The following RAB3C variants were observed in gnomAD, a reference collection of about 807,000 sequenced individuals.
RAB3C encodes the protein RAB3C, member RAS oncogene family.
In RAB3C, 17 loss-of-function variants were observed where a neutral mutation model predicts 26.4. The observed-to-expected ratio is 0.64, with a 90% CI of 0.44 to 0.97. The LOEUF (loss-of-function observed/expected upper bound fraction) is 0.97, where lower values mean the gene tolerates loss of function less well. Among genes scored for constraint, RAB3C ranks in the 50% least tolerant of loss-of-function variants. The pLI, the probability that RAB3C is intolerant of heterozygous loss-of-function variation, is 0.00. For synonymous variants in RAB3C, 91 were observed against 95.9 expected, an observed-to-expected ratio of 0.95 and a Z score of 0.30; for missense variants, 242 against 281.9, an observed-to-expected ratio of 0.86 and a Z score of 1.01.
intron 2 of RAB3C, among the ~76,000 whole-genome samples, chr5:58,632,824 T>C (rs1351048965): frequency 6.6e-6 from 1 of 152,220 alleles, no homozygotes; most frequent in African/African-American, 2.4e-5. Flanking sequence ...CATGACTGAA[T>C]ACAGTCCCAC....
At chr5:58,625,324 C>G (rs1302239801) in intron 2 of RAB3C, among the ~76,000 whole-genome samples, 1 of 152,118 alleles carries the variant, frequency 6.6e-6, no homozygotes, top group African/African-American at 2.4e-5. Flanking sequence ...CCCCCCTGGT[C>G]ACATAACTCT....
chr5:58,814,167 G>A (rs928521446), intron 3 of RAB3C, among the ~76,000 whole-genome samples: 9 of 152,110 alleles, frequency 5.9e-5, no homozygotes, highest in South Asian at 4.2e-4. Context: ...CAAAAGGCCC[G>A]AGCGAGTTTT....
At chr5:58,592,604 C>A (rs1746158232) in intron 1 of RAB3C, among the ~76,000 whole-genome samples, 1 of 152,086 alleles carries the variant, frequency 6.6e-6, no homozygotes, top group Non-Finnish European at 1.5e-5. Flanking sequence ...GATCTGCTGG[C>A]AATTCATTCT....
intron 1 of RAB3C, among the ~76,000 whole-genome samples, chr5:58,606,349 CA>C (rs1029808848): frequency 6.6e-6 from 1 of 152,192 alleles, no homozygotes; most frequent in African/African-American, 2.4e-5. Flanking sequence ...GGGGGAGGGG[CA>C]TCCACCATTG....
At chr5:58,838,465 G>A (rs1743798017) in intron 4 of RAB3C, among the ~76,000 whole-genome samples, 1 of 151,662 alleles carries the variant, frequency 6.6e-6, no homozygotes, top group Non-Finnish European at 1.5e-5. Context: ...TCATTCAGTA[G>A]CATATTGTTT....
chr5:58,705,928 C>T (rs1335048738), intron 2 of RAB3C, among the ~76,000 whole-genome samples: 1 of 152,158 alleles, frequency 6.6e-6, no homozygotes, highest in African/African-American at 2.4e-5. Flanking sequence ...CCCAGTCCAC[C>T]ACCCCTTACT....
chr5:58,709,757 G>A (rs1749020079), intron 2 of RAB3C, among the ~76,000 whole-genome samples: 1 of 152,142 alleles, frequency 6.6e-6, no homozygotes, highest in African/African-American at 2.4e-5. Context: ...CCGAGCGCCA[G>A]TCTCATTGGT....
chr5:58,772,434 G>C (rs1357058479), intron 3 of RAB3C, among the ~76,000 whole-genome samples: 1 of 152,148 alleles, frequency 6.6e-6, no homozygotes, highest in Non-Finnish European at 1.5e-5. Context: ...ACTGGAAATA[G>C]TCTGTGTGTT....
At chr5:58,842,966 G>A (rs1177716664) in intron 4 of RAB3C, among the ~76,000 whole-genome samples, 1 of 152,188 alleles carries the variant, frequency 6.6e-6, no homozygotes, top group African/African-American at 2.4e-5. Flanking sequence ...CAAAATATAA[G>A]AAGATGGACA....
At chr5:58,706,472 C>T (rs1203908991) in intron 2 of RAB3C, among the ~76,000 whole-genome samples, 1 of 152,022 alleles carries the variant, frequency 6.6e-6, no homozygotes, top group Non-Finnish European at 1.5e-5. Context: ...AGAATATATC[C>T]ATTTATACAT....
At chr5:58,621,821 T>C (rs397004) in intron 2 of RAB3C, among the ~76,000 whole-genome samples, 113,492 of 151,848 alleles carry the variant, frequency 0.75, 43,617 homozygotes, top group African/African-American at 0.92. Flanking sequence ...AGTGATCCAC[T>C]CGCCTCAGCC....
chr5:58,721,846 C>T (rs1392870620), intron 2 of RAB3C, among the ~76,000 whole-genome samples: 2 of 151,724 alleles, frequency 1.3e-5, no homozygotes, highest in Non-Finnish European at 2.9e-5. Flanking sequence ...ATAAATATTA[C>T]CAATTAGATT....
intron 2 of RAB3C, among the ~76,000 whole-genome samples, chr5:58,657,266 A>C (rs1442187186): frequency 6.6e-6 from 1 of 152,158 alleles, no homozygotes; most frequent in Non-Finnish European, 1.5e-5. Context: ...GGTTTATCTA[A>C]AAGACTACAA....
At chr5:58,694,690 A>G (rs1243186028) in intron 2 of RAB3C, among the ~76,000 whole-genome samples, 1 of 152,150 alleles carries the variant, frequency 6.6e-6, no homozygotes, top group Non-Finnish European at 1.5e-5. Flanking sequence ...ACCAGTGATG[A>G]TGAGCATTTT....
intron 2 of RAB3C, among the ~76,000 whole-genome samples, chr5:58,688,437 T>A (rs1223305117): frequency 6.6e-6 from 1 of 152,150 alleles, no homozygotes; most frequent in Non-Finnish European, 1.5e-5. Context: ...TTGACCTCCA[T>A]CAGATCTGTA....
At chr5:58,695,958 T>C (rs1028573578) in intron 2 of RAB3C, among the ~76,000 whole-genome samples, 14 of 152,192 alleles carry the variant, frequency 9.2e-5, no homozygotes, top group Admixed American at 3.3e-4. Flanking sequence ...TCCAACACTA[T>C]GTTGAATAGG....
intron 3 of RAB3C, among the ~76,000 whole-genome samples, chr5:58,797,358 GTATATATATAA>G (rs1328148202): frequency 0.039 from 1,028 of 26,250 alleles, 88 homozygotes; most frequent in African/African-American, 0.22. Context: ...AAAAAAATAT[GTATATATATAA>G]TATATATATA....
At chr5:58,640,907 G>A (rs894790750) in intron 2 of RAB3C, among the ~76,000 whole-genome samples, 8 of 152,104 alleles carry the variant, frequency 5.3e-5, no homozygotes, top group African/African-American at 1.7e-4. Context: ...TTTTAGTTGA[G>A]TTACCTTTTT....
rs141088289 is a variant in RAB3C at position 58,710,357 on chromosome 5, G to A, written c.253-15645G>A. On this transcript the variant is annotated intron_variant, in intron 2 of 4. Transcript: ENST00000282878. ...CTCACACCTATAATCCCAGCACTTC[G>A]GGAGGCCAAGGTGGGAGGATCATTT... Among the ~76,000 whole-genome samples the A allele has an allele frequency of 4.1e-4, 63 of 152,052 alleles. No individual in the cohort carries two copies. In the South Asian group the frequency reaches 7.7e-3, roughly 19 times the overall value.
Sources: gnomAD v4.1 joint callset for allele counts (sites outside exome capture counted in the v4.1 genomes callset) on GRCh38, gnomAD v4.1.1 for gene constraint, MANE v1.5 for transcripts, NCBI Gene and HGNC (gene_info 2026-07-23, HGNC 2026-07-21) for gene names.